ZNHIT6: variants seen among roughly 807,000 people sequenced by gnomAD.
ZNHIT6 encodes zinc finger HIT-type containing 6.
A neutral mutation model predicts 57.2 loss-of-function variants in ZNHIT6; 45 were observed. The observed-to-expected ratio is 0.79, with a 90% CI of 0.62 to 1.01. ZNHIT6 has a LOEUF of 1.01. Ranked by LOEUF, ZNHIT6 falls within the 50% of genes least tolerant of loss-of-function variation. ZNHIT6 has a pLI of 0.00. For missense variants in ZNHIT6, 528 were observed against 567.3 expected (o/e 0.93, Z 0.70); for synonymous variants, 188 against 190.0 (o/e 0.99, Z 0.09).
At chr1:85,690,495 C>A (rs927989286) in intron 5 of ZNHIT6, among the ~76,000 whole-genome samples, 2 of 152,168 alleles carry the variant, frequency 1.3e-5, no homozygotes, top group African/African-American at 4.8e-5. Flanking sequence ...TTTCCTGTTC[C>A]CTGCTCTCAG....
At chr1:85,692,040 G>A (rs184594951) in intron 5 of ZNHIT6, among the ~76,000 whole-genome samples, 6 of 152,198 alleles carry the variant, frequency 3.9e-5, no homozygotes, top group Admixed American at 1.3e-4. Context: ...TTGGTGGCGC[G>A]CACCTATAAT....
intron 8 of ZNHIT6, among the ~76,000 whole-genome samples, chr1:85,667,641 A>G (rs1661408251): frequency 1.3e-5 from 2 of 151,224 alleles, no homozygotes; most frequent in South Asian, 2.1e-4. Context: ...AAAAAAAAAA[A>G]AAGAATAATG....
Position 85,707,994 on chromosome 1 carries a change from T to C in ZNHIT6, c.291A>G (p.Val97=). ...CAGGCCTATCCTCCACCTCCTGTTC[T>C]ACCCACTGGCCAGCCAACCTGCCTT... The part of the protein sequence containing the change: ...GTEGRLAGQW[V]EQEVEDRPEV... Residue 97 remains valine (V), a synonymous_variant, in exon 1 of 10, where the codon GTA becomes GTG. Transcript: ENST00000370574. The C allele has an allele frequency of 2.5e-6, 4 of 1,614,148 alleles. No homozygotes were observed. The highest frequency in any genetic ancestry group is 3.4e-6 in the Non-Finnish European group (4 of 1,180,016).
At position 85,680,984 on chromosome 1, in the gene ZNHIT6, T is replaced by C. The variant is rs1186940389; in HGVS notation, c.1020-80A>G. 8 of 1,022,936 alleles carry C rather than the reference T, an allele frequency of 7.8e-6. No individual in the cohort carries two copies. In the African/African-American group the frequency reaches 1.3e-4, roughly 17 times the overall value. 63.4% of individuals were successfully genotyped at this position (1,022,936 alleles called of 1,614,324 possible). A position where few individuals can be genotyped will look rare whatever the true frequency, so the allele number is the denominator to read the frequency against. On this transcript the variant is annotated intron_variant, in intron 5 of 9. Coordinates refer to ENST00000370574, the MANE Select transcript of ZNHIT6 (RefSeq NM_017953.4). Reference sequence around the variant, plus strand: ...CAAATTGAACTTTCTAAATTTTCACTTTAAGATAATTCCAAAATTATTCTT... The same window carrying C: ...CAAATTGAACTTTCTAAATTTTCACCTTAAGATAATTCCAAAATTATTCTT...
At chr1:85,704,116 A>T (rs1191587391) in intron 4 of ZNHIT6, among the ~76,000 whole-genome samples, 2 of 152,232 alleles carry the variant, frequency 1.3e-5, no homozygotes, top group Non-Finnish European at 2.9e-5. Context: ...TTAAAGTCTT[A>T]CCAAACTAAG....
intron 7 of ZNHIT6, among the ~76,000 whole-genome samples, chr1:85,677,871 A>G (rs1661750183): frequency 6.6e-6 from 1 of 152,204 alleles, no homozygotes; most frequent in South Asian, 2.1e-4. Context: ...AATAAAGTCA[A>G]CCGGGTTTCT....
At chr1:85,683,295 G>A (rs778488903) in intron 5 of ZNHIT6, among the ~76,000 whole-genome samples, 18 of 152,226 alleles carry the variant, frequency 1.2e-4, no homozygotes, top group Non-Finnish European at 2.6e-4. Flanking sequence ...AAGGTGGGCA[G>A]ATCATGAGGT....
chr1:85,658,201 T>C (rs1470693089), intron 8 of ZNHIT6, among the ~76,000 whole-genome samples: 1 of 152,144 alleles, frequency 6.6e-6, no homozygotes, highest in Non-Finnish European at 1.5e-5. Context: ...TATTCTGACA[T>C]TAGGAAAGCT....
rs1455887479 is a variant in ZNHIT6 at position 85,680,853 on chromosome 1, A to G, written c.1071T>C (p.Ala357=). The change falls in exon 6 of 10, where the codon GCT becomes GCC. Residue 357 remains alanine, a synonymous_variant. Transcript: ENST00000370574. ...AGTGATACCTTTTTTCTATGTACTC[A>G]GCTTGACTTTGAGGAAACTGGAGCT... ...HVKLQFPQSQ[A]EYIEKRVPDD... The G allele has an allele frequency of 6.2e-7, 1 of 1,612,728 alleles. No homozygotes were observed. Among genetic ancestry groups the G allele is most frequent in the Non-Finnish European group, 8.5e-7 (1 of 1,179,384 alleles).
At chr1:85,654,858 G>T (rs997236136) in intron 9 of ZNHIT6, among the ~76,000 whole-genome samples, 1 of 152,152 alleles carries the variant, frequency 6.6e-6, no homozygotes, top group Non-Finnish European at 1.5e-5. Flanking sequence ...TTATTTTGAG[G>T]CTTATAGCTG....
chr1:85,698,234 C>T (rs141721348), intron 5 of ZNHIT6, among the ~76,000 whole-genome samples: 8 of 152,278 alleles, frequency 5.3e-5, no homozygotes, highest in Non-Finnish European at 1.2e-4. Flanking sequence ...CAGACTTCAC[C>T]TCACTTTGAC....
At chr1:85,704,286 C>T (rs935181145) in intron 4 of ZNHIT6, among the ~76,000 whole-genome samples, 2 of 152,118 alleles carry the variant, frequency 1.3e-5, no homozygotes, top group African/African-American at 4.8e-5. Context: ...ACCCTAGAAA[C>T]ACATGTTCAC....
chr1:85,668,450 T>C (rs1238790218), intron 8 of ZNHIT6, among the ~76,000 whole-genome samples: 2 of 152,190 alleles, frequency 1.3e-5, no homozygotes, highest in Non-Finnish European at 2.9e-5. Context: ...TCACTAATTC[T>C]TCAACAGTTA....
chr1:85,686,347 A>T (rs1025349767), intron 5 of ZNHIT6, among the ~76,000 whole-genome samples: 2 of 152,134 alleles, frequency 1.3e-5, no homozygotes, highest in African/African-American at 4.8e-5. Context: ...GAAAAAAAAT[A>T]TATATTTCTC....
At chr1:85,702,780 G>A (rs967751036) in intron 4 of ZNHIT6, among the ~76,000 whole-genome samples, 1 of 152,188 alleles carries the variant, frequency 6.6e-6, no homozygotes, top group South Asian at 2.1e-4. Flanking sequence ...GTTGTGGGAA[G>A]CACAAAATGG....
At chr1:85,670,732 TG>T (rs1280043955) in intron 8 of ZNHIT6, among the ~76,000 whole-genome samples, 1 of 152,198 alleles carries the variant, frequency 6.6e-6, no homozygotes, top group Non-Finnish European at 1.5e-5. Flanking sequence ...TTGCAGACAC[TG>T]GTAACTAATA....
chr1:85,667,961 A>AAAAAAAAAAAAAAAAAAATGTAT lies in ZNHIT6; in HGVS notation c.1247+9274_1247+9275insATACATTTTTTTTTTTTTTTTTT. On this transcript the variant is annotated intron_variant, in intron 8 of 9. Coordinates refer to ENST00000370574, the MANE Select transcript of ZNHIT6 (RefSeq NM_017953.4). ...ACTCTCTCTTTCAAAAAAAAAAAAA[A>AAAAAAAAAAAAAAAAAAATGTAT]ATATATATATATATATATATATATG... is the stretch of plus-strand genomic sequence containing the variant. 1.6e-4 allele frequency among the ~76,000 whole-genome samples: 3 copies of AAAAAAAAAAAAAAAAAAATGTAT among 18,202 alleles called. 1 individual carries two copies. The highest frequency in any genetic ancestry group is 6.4e-4 in the African/African-American group (3 of 4,712). The allele number at this position is 18,202 out of a possible 152,430, so 11.9% of individuals were successfully genotyped here. A position where few individuals can be genotyped will look rare whatever the true frequency, so the allele number is the denominator to read the frequency against.
At chr1:85,666,373 T>G (rs1661371470) in intron 8 of ZNHIT6, among the ~76,000 whole-genome samples, 1 of 152,206 alleles carries the variant, frequency 6.6e-6, no homozygotes, top group Non-Finnish European at 1.5e-5. Flanking sequence ...TACGCTAAAA[T>G]ATCACTTGTT....
intron 7 of ZNHIT6, 144 bp from the exon 8 acceptor site, chr1:85,677,457 C>G: frequency 1.8e-6 from 1 of 563,606 alleles, no homozygotes; most frequent in Non-Finnish European, 2.8e-6. Flanking sequence ...TGTTTTCTAA[C>G]CAGAAATCTG....
Sources: gnomAD v4.1 joint callset for allele counts (sites outside exome capture counted in the v4.1 genomes callset) on GRCh38, gnomAD v4.1.1 for gene constraint, MANE v1.5 for transcripts, NCBI Gene and HGNC (gene_info 2026-07-23, HGNC 2026-07-21) for gene names.